MYO9A: variants seen among roughly 807,000 people sequenced by gnomAD.
The protein encoded by MYO9A is myosin IXA.
A neutral mutation model predicts 293.3 loss-of-function variants in MYO9A; 103 were observed. The observed-to-expected ratio is 0.35, with a 90% CI of 0.30 to 0.41. The LOEUF is 0.41. Ranked by LOEUF, MYO9A falls within the 10% of genes least tolerant of loss-of-function variation. The pLI, the probability that MYO9A is intolerant of heterozygous loss-of-function variation, is 1.00. For synonymous variants in MYO9A, 1,001 were observed against 1,035.7 expected (o/e 0.97, Z 0.64); for missense variants, 2,685 against 3,033.0 (o/e 0.89, Z 2.69).
Position 71,933,543 on chromosome 15 carries a change from T to A in MYO9A, c.2562+127A>T, listed in dbSNP as rs181679878. ...TATTTCTAAAATGGATTCAACTAAG[T>A]GCACGATCACTATCTTGGATACAAA... is the stretch of plus-strand genomic sequence containing the variant. On this transcript the variant is annotated intron_variant, in intron 18 of 41. Transcript: ENST00000356056. 3.4e-4 allele frequency: 288 copies of A among 856,620 alleles called. 1 individual carries two copies. The African/African-American group carries it at 4.4e-3, about 13-fold the overall frequency. 53.1% of individuals were successfully genotyped at this position (856,620 alleles called of 1,614,324 possible).
At chr15:72,055,091 T>G (rs910494521) in intron 1 of MYO9A, among the ~76,000 whole-genome samples, 3 of 152,166 alleles carry the variant, frequency 2.0e-5, no homozygotes, top group Non-Finnish European at 4.4e-5. Context: ...AAAACATATT[T>G]TGTACCATTT....
chr15:72,050,649 T>C (rs1033286182), intron 1 of MYO9A, among the ~76,000 whole-genome samples: 1 of 136,932 alleles, frequency 7.3e-6, no homozygotes, highest in African/African-American at 2.9e-5. Flanking sequence ...CAAACAAAAT[T>C]TTTTTTTAAA....
chr15:71,895,270 CAATT>C lies in MYO9A; in HGVS notation c.5043-1496_5043-1493del, dbSNP rs568867960. On this transcript the variant is annotated intron_variant, in intron 25 of 41. Transcript: ENST00000356056. ...TCATTTATCCTCCAAAGAGAAACAA[CAATT>C]AATAGGATCTTGATAGTACTTGACC... Among the ~76,000 whole-genome samples, 4 of 152,284 alleles carry C rather than the reference CAATT, an allele frequency of 2.6e-5. No homozygotes were observed. In the South Asian group the frequency reaches 8.3e-4, roughly 32 times the overall value.
Position 71,990,754 on chromosome 15 carries a change from C to CAA in MYO9A, c.1722+347_1722+348dup, listed in dbSNP as rs11422716. Among the ~76,000 whole-genome samples the CAA allele has an allele frequency of 2.0e-3, 260 of 129,258 alleles. 2 individuals are homozygous for CAA. Among genetic ancestry groups the CAA allele is most frequent in the South Asian group, 3.5e-3 (14 of 3,974 alleles). The allele number at this position is 129,258 out of a possible 152,430, so 84.8% of individuals were successfully genotyped here. ...CCTGGGCGACAGAGCGAGACTCAGT[C>CAA]AAAAAAAAAAAAAAAAGACAAGATT... is the stretch of plus-strand genomic sequence containing the variant. On this transcript the variant is annotated intron_variant, in intron 11 of 41. Transcript: ENST00000356056.
chr15:71,831,188 A>C (rs545686174), intron 39 of MYO9A, among the ~76,000 whole-genome samples: 2 of 152,188 alleles, frequency 1.3e-5, no homozygotes, highest in African/African-American at 4.8e-5. Context: ...CTGTGACTCT[A>C]AACAGAGCTT....
At chr15:71,867,962 G>A (rs2056391164) in intron 32 of MYO9A, among the ~76,000 whole-genome samples, 1 of 152,134 alleles carries the variant, frequency 6.6e-6, no homozygotes, top group Admixed American at 6.6e-5. Flanking sequence ...TACTGTATTA[G>A]TTTTCTATTG....
At chr15:71,837,567 G>T (rs1468395357) in intron 39 of MYO9A, among the ~76,000 whole-genome samples, 1 of 151,880 alleles carries the variant, frequency 6.6e-6, no homozygotes, top group Non-Finnish European at 1.5e-5. Flanking sequence ...TTTTTTCAGT[G>T]TTCATACCAT....
intron 1 of MYO9A, among the ~76,000 whole-genome samples, chr15:72,048,483 T>C (rs1379991300): frequency 2.6e-5 from 4 of 152,124 alleles, no homozygotes; most frequent in Admixed American, 6.5e-5. Context: ...CTAATCTGAG[T>C]TGGAGTGAAG....
chr15:71,907,770 CA>C (rs1381045059), intron 19 of MYO9A, among the ~76,000 whole-genome samples: 11 of 152,064 alleles, frequency 7.2e-5, no homozygotes, highest in African/African-American at 2.4e-4. Context: ...TCATGTCCTT[CA>C]CCCGCTTTTT....
intron 4 of MYO9A, among the ~76,000 whole-genome samples, chr15:72,023,553 G>C (rs769217558): frequency 2.0e-5 from 3 of 151,904 alleles, no homozygotes; most frequent in African/African-American, 7.3e-5. Context: ...AAAATAGCTG[G>C]GCATGGTGGC....
chr15:71,954,800 T>TG (rs2059140881), intron 14 of MYO9A, among the ~76,000 whole-genome samples: 1 of 152,250 alleles, frequency 6.6e-6, no homozygotes, highest in South Asian at 2.1e-4. Context: ...TTGAAGGACT[T>TG]GGACTATGTA....
At chr15:71,900,102 A>C (rs2057442234) in intron 23 of MYO9A, 96 bp from the exon 24 acceptor site, 5 of 1,227,438 alleles carry the variant, frequency 4.1e-6, no homozygotes, top group Non-Finnish European at 5.5e-6. Context: ...TCATAATTAC[A>C]GGTTAAGTGG....
chr15:71,846,378 A>G (rs4526973), intron 39 of MYO9A, among the ~76,000 whole-genome samples: 55,564 of 151,928 alleles, frequency 0.37, 11,536 homozygotes, highest in East Asian at 0.62. Flanking sequence ...GAAAGACGAA[A>G]GGCAGAAGTG....
intron 39 of MYO9A, among the ~76,000 whole-genome samples, chr15:71,832,805 T>A (rs1484291275): frequency 6.6e-6 from 1 of 152,228 alleles, no homozygotes; most frequent in African/African-American, 2.4e-5. Context: ...AATAGCGATG[T>A]GTTGAATTTA....
intron 1 of MYO9A, among the ~76,000 whole-genome samples, chr15:72,111,062 G>A (rs560683595): frequency 6.6e-5 from 10 of 152,052 alleles, no homozygotes; most frequent in African/African-American, 2.4e-4. Flanking sequence ...GGGAGGCTGA[G>A]GCAGGAGAAT....
intron 8 of MYO9A, among the ~76,000 whole-genome samples, chr15:72,004,328 C>T (rs906822482): frequency 6.6e-6 from 1 of 152,184 alleles, no homozygotes; most frequent in African/African-American, 2.4e-5. Context: ...GAGGCCAAGG[C>T]GGGTGGATCA....
At chr15:72,093,348 T>C (rs2079976867) in intron 1 of MYO9A, among the ~76,000 whole-genome samples, 1 of 151,834 alleles carries the variant, frequency 6.6e-6, no homozygotes, top group Non-Finnish European at 1.5e-5. Flanking sequence ...GGCAACATAG[T>C]GAGACCCTGT....
chr15:71,940,814 C>G (rs2058753836), intron 15 of MYO9A, among the ~76,000 whole-genome samples: 1 of 152,016 alleles, frequency 6.6e-6, no homozygotes, highest in Non-Finnish European at 1.5e-5. Flanking sequence ...AACAATCTTG[C>G]AAACAATCTT....
intron 22 of MYO9A, among the ~76,000 whole-genome samples, chr15:71,901,681 G>A (rs944838515): frequency 2.0e-5 from 3 of 151,816 alleles, no homozygotes; most frequent in Non-Finnish European, 4.4e-5. Context: ...ACAAAAAAAG[G>A]AAGGTAAGGA....
Sources: allele counts gnomAD v4.1 joint callset (sites outside exome capture counted in the v4.1 genomes callset), GRCh38; gene constraint gnomAD v4.1.1; transcripts MANE v1.5; gene names NCBI Gene and HGNC (gene_info 2026-07-23, HGNC 2026-07-21).